Variants in DMKN observed in about 807,000 individuals in gnomAD.
The protein encoded by DMKN is dermokine.
A neutral mutation model predicts 67.6 loss-of-function variants in DMKN; 58 were observed. The ratio of observed to expected loss-of-function variants is 0.86; its 90% CI spans 0.69 to 1.07. DMKN has a LOEUF of 1.07. Among genes scored for constraint, DMKN ranks in the 50% least tolerant of loss-of-function variants. DMKN has a pLI of 0.00. For synonymous variants in DMKN, 240 were observed against 232.3 expected (o/e 1.03, Z -0.30); for missense variants, 596 against 601.5 (o/e 0.99, Z 0.10).
chr19:35,499,816 A>C, intron 13 of DMKN, 142 bp downstream of exon 13: 1 of 806,086 alleles, frequency 1.2e-6, no homozygotes, highest in South Asian at 1.7e-5. Flanking sequence ...TCTCCCTTGC[A>C]AAGGGGTGGG....
At chr19:35,512,396 T>C (rs983782005) in intron 3 of DMKN, 25 bp downstream of exon 3, 3 of 1,612,346 alleles carry the variant, frequency 1.9e-6, no homozygotes, top group Non-Finnish European at 2.5e-6. Flanking sequence ...GGCTTCTTCA[T>C]TTGTTCCCAG....
At position 35,513,577 on chromosome 19, in the gene DMKN, T is replaced by G. The variant is rs2146259677; in HGVS notation, c.-102A>C. ...TCTGTGCCCTCCTCTGTCCTCCTCC[T>G]TCCGACTCCCTGTCCTCCCTCCCTC... On this transcript the variant is annotated 5_prime_UTR_variant, in exon 1 of 16. Coordinates refer to ENST00000339686, the MANE Select transcript of DMKN (RefSeq NM_033317.5). The G allele has an allele frequency of 5.0e-6, 7 of 1,405,516 alleles. No homozygotes were observed. The South Asian group carries it at 8.7e-5, about 18-fold the overall frequency. The allele number at this position is 1,405,516 out of a possible 1,614,324, so 87.1% of individuals were successfully genotyped here. A position where few individuals can be genotyped will look rare whatever the true frequency, so the allele number is the denominator to read the frequency against.
At chr19:35,510,009 C>A (rs2070423837) in intron 6 of DMKN, 48 bp from the exon 7 acceptor site, 1 of 1,609,654 alleles carries the variant, frequency 6.2e-7, no homozygotes, top group African/African-American at 1.3e-5. Flanking sequence ...CCTCCCAGAC[C>A]AGTCCCAGCC....
At chr19:35,501,293 C>T (rs1422477212) in intron 11 of DMKN, among the ~76,000 whole-genome samples, 1 of 152,200 alleles carries the variant, frequency 6.6e-6, no homozygotes, top group Non-Finnish European at 1.5e-5. Flanking sequence ...TGAACCTAAA[C>T]CCCACTGCAA....
At chr19:35,505,607 A>C in intron 9 of DMKN, 111 bp downstream of exon 9, 1 of 1,438,438 alleles carries the variant, frequency 7.0e-7, no homozygotes, top group Non-Finnish European at 9.7e-7. Context: ...TGTTTTTAGC[A>C]CTGGCCTAAA....
chr19:35,508,745 C>T (rs1215506526), intron 7 of DMKN, among the ~76,000 whole-genome samples: 1 of 152,132 alleles, frequency 6.6e-6, no homozygotes, highest in African/African-American at 2.4e-5. Context: ...TGGGACTAGA[C>T]AGCATATAGG....
chr19:35,512,565 G>T, intron 2 of DMKN, 25 bp downstream of exon 2: 1 of 1,613,974 alleles, frequency 6.2e-7, no homozygotes, highest in Non-Finnish European at 8.5e-7. Context: ...GAGGTGGCAG[G>T]TAGCAGGTCT....
At chr19:35,498,232 C>A in intron 15 of DMKN, 1 of 170,020 alleles carries the variant, frequency 5.9e-6, no homozygotes, top group South Asian at 1.5e-4. Context: ...ACCTCCCAAG[C>A]TCAGGTGATT....
chr19:35,500,274 A>C lies in DMKN; in HGVS notation c.1288-245T>G. ...TCCTCCTACTCCTCCTCCTGCCCTC[A>C]AGACCTCTGCCAACTCTTCAAGTGT... On this transcript the variant is annotated intron_variant, in intron 12 of 15. Transcript: ENST00000339686. 9 of 1,464,548 alleles carry C rather than the reference A, an allele frequency of 6.1e-6. No homozygotes were observed. In the South Asian group the frequency reaches 1.1e-4, roughly 17 times the overall value. The allele number at this position is 1,464,548 out of a possible 1,614,324, so 90.7% of individuals were successfully genotyped here.
intron 3 of DMKN, 134 bp from the exon 4 acceptor site, chr19:35,511,947 C>T (rs943727348): frequency 2.0e-6 from 2 of 991,938 alleles, no homozygotes; most frequent in African/African-American, 3.3e-5. Flanking sequence ...CTCCCACCTC[C>T]CCTTCCCATC....
At position 35,500,065 on chromosome 19, in the gene DMKN, G is replaced by A. The variant is rs192265603; in HGVS notation, c.1288-36C>T. 7.0e-5 allele frequency: 112 copies of A among 1,610,712 alleles called. No homozygotes were observed. In the African/African-American group the frequency reaches 1.2e-3, roughly 18 times the overall value. Reference sequence around the variant, plus strand: ...AGTGGGCATGGCGGTTAGAACAGACGGACGAAGGCCATTTTGCTCTGGAAT... The same window carrying A: ...AGTGGGCATGGCGGTTAGAACAGACAGACGAAGGCCATTTTGCTCTGGAAT... On this transcript the variant is annotated intron_variant, in intron 12 of 15. Coordinates refer to ENST00000339686, the MANE Select transcript of DMKN (RefSeq NM_033317.5).
chr19:35,498,793 C>T lies in DMKN; in HGVS notation c.1384-30G>A, dbSNP rs752915737. 1.4e-5 allele frequency: 23 copies of T among 1,614,168 alleles called. No individual in the cohort carries two copies. In the South Asian group the frequency reaches 2.0e-4, roughly 14 times the overall value. ...CAGAAAAAGAGAAAGTCTGAGTGGC[C>T]ACCACAGGGTCCCTTCCATACCCTC... On this transcript the variant is annotated intron_variant, in intron 14 of 15. Coordinates refer to ENST00000339686, the MANE Select transcript of DMKN (RefSeq NM_033317.5).
At chr19:35,505,344 C>T (rs1787692782) in intron 9 of DMKN, among the ~76,000 whole-genome samples, 1 of 152,062 alleles carries the variant, frequency 6.6e-6, no homozygotes, top group African/African-American at 2.4e-5. Context: ...TCTCTGGGTG[C>T]CCTTCCTCTT....
At chr19:35,507,551 A>AGGC (rs1555795134) in intron 7 of DMKN, 1 of 1,541,486 alleles carries the variant, frequency 6.5e-7, no homozygotes, top group African/African-American at 1.4e-5. Flanking sequence ...ATGGGGAGGC[A>AGGC]GGCGGGCAGG....
At chr19:35,498,325 G>C in intron 15 of DMKN, 1 of 204,768 alleles carries the variant, frequency 4.9e-6, no homozygotes. Context: ...TTAGTAGACG[G>C]GGTTTTGCCA....
intron 13 of DMKN, chr19:35,499,344 G>C (rs574233696): frequency 7.7e-5 from 16 of 208,520 alleles, no homozygotes; most frequent in Admixed American, 1.6e-4. Flanking sequence ...TTATTGTCAT[G>C]AGAGATGGAA....
chr19:35,498,673 C>T, intron 15 of DMKN, 43 bp downstream of exon 15: 1 of 1,612,666 alleles, frequency 6.2e-7, no homozygotes, highest in Non-Finnish European at 8.5e-7. Flanking sequence ...ACTGTGCCTC[C>T]ACTGCCAGGA....
In DMKN at chr19:35,513,546, T is replaced by G; in HGVS notation, c.-71A>C. On this transcript the variant is annotated 5_prime_UTR_variant, in exon 1 of 16. Coordinates refer to ENST00000339686, the MANE Select transcript of DMKN (RefSeq NM_033317.5). ...GGTCTCCTCCTTGCCGCCCTTGCTC[T>G]GCGTCTCTGTGCCCTCCTCTGTCCT... 6.6e-7 allele frequency: 1 copy of G among 1,510,338 alleles called. No homozygotes were observed. The highest frequency in any genetic ancestry group is 8.8e-7 in the Non-Finnish European group (1 of 1,138,016). The allele number at this position is 1,510,338 out of a possible 1,614,324, so 93.6% of individuals were successfully genotyped here. A position where few individuals can be genotyped will look rare whatever the true frequency, so the allele number is the denominator to read the frequency against.
At chr19:35,506,668 G>A (rs1404167565) in intron 7 of DMKN, 1 of 426,272 alleles carries the variant, frequency 2.3e-6, no homozygotes, top group African/African-American at 2.0e-5. Context: ...TGACTTGCCT[G>A]AAGATATACA....
Sources: gnomAD v4.1 joint callset for allele counts (sites outside exome capture counted in the v4.1 genomes callset) on GRCh38, gnomAD v4.1.1 for gene constraint, MANE v1.5 for transcripts, NCBI Gene and HGNC (gene_info 2026-07-23, HGNC 2026-07-21) for gene names.